DNAJC6: variants seen among roughly 807,000 people sequenced by gnomAD.
DNAJC6 encodes auxilin.
DNAJC6 carries 34 observed loss-of-function variants against 110.0 expected under a neutral mutation model. The ratio of observed to expected loss-of-function variants is 0.31; its 90% confidence interval spans 0.24 to 0.41. DNAJC6 has a LOEUF of 0.41. Ranked by LOEUF, DNAJC6 falls within the 10% of genes least tolerant of loss-of-function variation. The pLI, the probability that DNAJC6 is intolerant of heterozygous loss-of-function variation, is 1.00. For missense variants in DNAJC6, 1,031 were observed against 1,207.8 expected, an observed-to-expected ratio of 0.85 and a Z score of 2.17; for synonymous variants, 406 against 437.2, an observed-to-expected ratio of 0.93 and a Z score of 0.89.
chr1:65,338,947 C>T (rs1401203224), intron 1 of DNAJC6, among the ~76,000 whole-genome samples: 3 of 152,200 alleles, frequency 2.0e-5, no homozygotes, highest in Non-Finnish European at 2.9e-5. Context: ...GCTTTCTTTG[C>T]TCTCAGGTGC....
chr1:65,331,255 T>G (rs1022202245), intron 1 of DNAJC6, among the ~76,000 whole-genome samples: 1 of 152,208 alleles, frequency 6.6e-6, no homozygotes, highest in African/African-American at 2.4e-5. Context: ...GTTCCATTTC[T>G]AGGAAAAGTG....
intron 1 of DNAJC6, among the ~76,000 whole-genome samples, chr1:65,282,328 C>T (rs1472645132): frequency 6.6e-6 from 1 of 152,158 alleles, no homozygotes; most frequent in Non-Finnish European, 1.5e-5. Flanking sequence ...GCATTATCTG[C>T]AGTGTTTGTT....
Position 65,363,738 on chromosome 1 carries a change from CA to C in DNAJC6, c.194-893del, listed in dbSNP as rs1329987717. Among the ~76,000 whole-genome samples, 6 of 152,010 alleles carry C rather than the reference CA, an allele frequency of 3.9e-5. No individual in the cohort carries two copies. In the East Asian group the frequency reaches 9.7e-4, roughly 25 times the overall value. On this transcript the variant is annotated intron_variant, in intron 1 of 18. Transcript: ENST00000371069. ...TTGCAGTGCACAGGGACAACCCCCT[CA>C]AAACACGCACAATAAAGAAGTATTT...
chr1:65,318,630 C>T (rs979089947), intron 1 of DNAJC6, among the ~76,000 whole-genome samples: 5 of 152,190 alleles, frequency 3.3e-5, no homozygotes, highest in African/African-American at 1.2e-4. Context: ...CATGTTCTCA[C>T]TTATAAGCGG....
At chr1:65,268,793 T>G (rs533262203) in intron 1 of DNAJC6, among the ~76,000 whole-genome samples, 7 of 152,330 alleles carry the variant, frequency 4.6e-5, no homozygotes, top group African/African-American at 1.7e-4. Flanking sequence ...ATTTTTTAGG[T>G]TGTTTTTATT....
At chr1:65,299,461 A>C (rs1447685346) in intron 1 of DNAJC6, among the ~76,000 whole-genome samples, 1 of 152,210 alleles carries the variant, frequency 6.6e-6, no homozygotes, top group Non-Finnish European at 1.5e-5. Flanking sequence ...CTGTCCTGAA[A>C]GGCAGTCTCT....
chr1:65,323,709 C>A (rs1645216409), intron 1 of DNAJC6, among the ~76,000 whole-genome samples: 1 of 152,104 alleles, frequency 6.6e-6, no homozygotes, highest in Non-Finnish European at 1.5e-5. Context: ...AGTCTTCCCA[C>A]CTCAGCCTCC....
rs11208644 is a variant in DNAJC6, at chr1:65,392,468, C to T, written c.1506C>T (p.His502=). Residue 502 remains histidine (H), a synonymous_variant, in exon 12 of 19, where the codon CAC becomes CAT. Transcript: ENST00000371069. The part of the protein sequence containing the change: ...KSEKSFCEED[H]AALVNQESEQ... ...AGAAGTCATTCTGTGAGGAGGACCA[C>T]GCTGCCCTAGTGAATCAGGAAAGTG... is the stretch of plus-strand genomic sequence containing the variant. The T allele has an allele frequency of 0.071, 114,778 of 1,610,930 alleles. 19,521 individuals are homozygous for T. The highest frequency in any genetic ancestry group is 0.6 in the East Asian group (26,891 of 44,798).
intron 1 of DNAJC6, among the ~76,000 whole-genome samples, chr1:65,332,915 A>G (rs1435534882): frequency 6.6e-6 from 1 of 152,216 alleles, no homozygotes; most frequent in African/African-American, 2.4e-5. Flanking sequence ...CCTGGGATTT[A>G]TAGAAAATTG....
intron 1 of DNAJC6, among the ~76,000 whole-genome samples, chr1:65,337,835 G>A (rs551957424): frequency 2.0e-5 from 3 of 152,198 alleles, no homozygotes; most frequent in African/African-American, 7.2e-5. Context: ...TCCTTGAAGG[G>A]CCCTGGATCC....
chr1:65,281,026 C>T (rs1457080211), intron 1 of DNAJC6, among the ~76,000 whole-genome samples: 2 of 152,052 alleles, frequency 1.3e-5, no homozygotes, highest in Admixed American at 6.6e-5. Flanking sequence ...ACCTCTGCCT[C>T]CTGGGTTCAA....
intron 15 of DNAJC6, 115 bp from the exon 16 acceptor site, chr1:65,405,755 T>G: frequency 8.0e-7 from 1 of 1,247,054 alleles, no homozygotes; most frequent in Non-Finnish European, 1.1e-6. Flanking sequence ...GGAAGATTAC[T>G]TATGCTGTCA....
At chr1:65,343,405 GAA>G (rs1411702036) in intron 1 of DNAJC6, among the ~76,000 whole-genome samples, 1 of 152,188 alleles carries the variant, frequency 6.6e-6, no homozygotes, top group African/African-American at 2.4e-5. Context: ...ACTGCAGTCT[GAA>G]AGTGTTATGA....
chr1:65,311,215 G>GT (rs71056098), intron 1 of DNAJC6, among the ~76,000 whole-genome samples: 3,642 of 68,822 alleles, frequency 0.053, 1,160 homozygotes, highest in East Asian at 0.14. Flanking sequence ...TTTCAGGACT[G>GT]TTTTTTTTTT....
At chr1:65,371,392 AT>A (rs551286222) in intron 4 of DNAJC6, among the ~76,000 whole-genome samples, 42 of 152,064 alleles carry the variant, frequency 2.8e-4, no homozygotes, top group African/African-American at 8.9e-4. Context: ...CACTCTTAGA[AT>A]TTTTTTTATA....
At chr1:65,334,557 T>C (rs752271469) in intron 1 of DNAJC6, among the ~76,000 whole-genome samples, 2 of 152,236 alleles carry the variant, frequency 1.3e-5, no homozygotes, top group Non-Finnish European at 2.9e-5. Flanking sequence ...TGTAACCCTG[T>C]GCCTCTAAAA....
chr1:65,413,955 T>C lies in DNAJC6; in HGVS notation c.*930T>C, dbSNP rs1422805151. On this transcript the variant is annotated 3_prime_UTR_variant, in exon 19 of 19. Transcript: ENST00000371069. ...ACAACTTATCAGGACCAATATCTAG[T>C]GTGGACTCAGTGTTCTCTAGGTTTG... is the stretch of plus-strand genomic sequence containing the variant. 1 of 152,164 alleles carries C rather than the reference T, an allele frequency of 6.6e-6. No individual in the cohort carries two copies. The highest frequency in any genetic ancestry group is 1.5e-5 in the Non-Finnish European group (1 of 68,044). The allele number at this position is 152,164 out of a possible 1,614,324, so 9.4% of individuals were successfully genotyped here.
At chr1:65,337,616 C>G (rs1375252038) in intron 1 of DNAJC6, among the ~76,000 whole-genome samples, 1 of 151,878 alleles carries the variant, frequency 6.6e-6, no homozygotes, top group Non-Finnish European at 1.5e-5. Flanking sequence ...TCAACCAACC[C>G]TGAATCAAAA....
At chr1:65,386,031 T>A (rs1250536014) in intron 7 of DNAJC6, 125 bp downstream of exon 7, 10 of 1,012,154 alleles carry the variant, frequency 9.9e-6, no homozygotes, top group Non-Finnish European at 1.3e-5. Flanking sequence ...ATATAAAAAA[T>A]GTTCAACATC....
Sources: allele counts gnomAD v4.1 joint callset (sites outside exome capture counted in the v4.1 genomes callset), GRCh38; gene constraint gnomAD v4.1.1; transcripts MANE v1.5; gene names NCBI Gene and HGNC (gene_info 2026-07-23, HGNC 2026-07-21).